Variants in KIRREL3 observed in about 807,000 individuals in gnomAD.
KIRREL3 encodes the protein kirre like nephrin family adhesion molecule 3, also known as kin of IRRE-like protein 3.
A neutral mutation model predicts 89.7 loss-of-function variants in KIRREL3; 36 were observed. The ratio of observed to expected loss-of-function variants is 0.40; its 90% CI spans 0.31 to 0.53. The LOEUF is 0.53. Ranked by LOEUF, KIRREL3 falls within the 20% of genes least tolerant of loss-of-function variation. The pLI is 0.49. For missense variants in KIRREL3, 864 were observed against 1,056.6 expected, an observed-to-expected ratio of 0.82 and a Z score of 2.53; for synonymous variants, 445 against 441.4, an observed-to-expected ratio of 1.01 and a Z score of -0.10.
At chr11:126,630,136 C>A (rs1943957198) in intron 1 of KIRREL3, among the ~76,000 whole-genome samples, 2 of 152,180 alleles carry the variant, frequency 1.3e-5, no homozygotes, top group Admixed American at 6.5e-5. Context: ...CCTACTTCCA[C>A]ATAGACGGAC....
chr11:126,851,791 A>C (rs908457129), intron 1 of KIRREL3, among the ~76,000 whole-genome samples: 1 of 152,126 alleles, frequency 6.6e-6, no homozygotes, highest in Non-Finnish European at 1.5e-5. Context: ...TTTTGATGGG[A>C]CAGCATAAAG....
chr11:126,492,411 C>T lies in KIRREL3; in HGVS notation c.434-18945G>A, dbSNP rs1053977967. Among the ~76,000 whole-genome samples the T allele has an allele frequency of 6.6e-6, 1 of 152,196 alleles. No individual in the cohort carries two copies. The highest frequency in any genetic ancestry group is 6.5e-5 in the Admixed American group (1 of 15,292). The stretch of plus-strand genomic sequence containing the variant: ...TGCAAAGCCCCTCTCAGCCCCTGTC[C>T]ACTCAAGTACTTCCTCATTAGTTTT... On this transcript the variant is annotated intron_variant, in intron 4 of 16. Coordinates refer to ENST00000525144, the MANE Select transcript of KIRREL3 (RefSeq NM_032531.4). This position sits in a 1 kb window ranked among gnomAD's most constrained non-coding sequence, Gnocchi z 4.8.
chr11:126,581,930 T>C (rs1283520992), intron 1 of KIRREL3, among the ~76,000 whole-genome samples: 2 of 152,158 alleles, frequency 1.3e-5, no homozygotes, highest in African/African-American at 4.8e-5. Context: ...AGACCACACC[T>C]GACCTCCTGG....
intron 4 of KIRREL3, among the ~76,000 whole-genome samples, chr11:126,497,029 C>T (rs1957677922): frequency 6.6e-6 from 1 of 152,078 alleles, no homozygotes; most frequent in African/African-American, 2.4e-5. Flanking sequence ...CAGTGCTTAG[C>T]CAGAGCAGCT....
intron 1 of KIRREL3, chr11:126,944,355 G>A (rs1041968391): frequency 1.3e-5 from 2 of 152,214 alleles, no homozygotes; most frequent in African/African-American, 4.8e-5. Flanking sequence ...TGAACCCGGG[G>A]ATAAGTGAGG....
rs1565544833 is a variant in KIRREL3 at position 126,552,552 on chromosome 11, T to TG, written c.133+10282_133+10283insC. 5.0e-5 allele frequency among the ~76,000 whole-genome samples: 3 copies of TG among 60,350 alleles called. No individual in the cohort carries two copies. The East Asian group carries it at 8.4e-4, about 17-fold the overall frequency. The allele number at this position is 60,350 out of a possible 152,430, so 39.6% of individuals were successfully genotyped here. A position where few individuals can be genotyped will look rare whatever the true frequency, so the allele number is the denominator to read the frequency against. On this transcript the variant is annotated intron_variant, in intron 2 of 16. Transcript: ENST00000525144. ...CATCACACAGGGGAGAGAGAAAAGT[T>TG]TTTTTTTTTTTTTTTTTTTTTTTTT...
At chr11:126,663,242 G>A (rs1174336414) in intron 1 of KIRREL3, among the ~76,000 whole-genome samples, 1 of 144,722 alleles carries the variant, frequency 6.9e-6, no homozygotes, top group Non-Finnish European at 1.5e-5. Context: ...CTGGAGTGCA[G>A]TGGCTCGATC....
chr11:126,653,778 T>C lies in KIRREL3; in HGVS notation c.56-90866A>G, dbSNP rs1301050995. On this transcript the variant is annotated intron_variant, in intron 1 of 16. Coordinates refer to ENST00000525144, the MANE Select transcript of KIRREL3 (RefSeq NM_032531.4). The surrounding 1 kb of genome is among the most constrained non-coding windows in gnomAD (Gnocchi z 5.4). ...TCCATAAAAAGTGCACGGTGGAACC[T>C]GAGAAGGTGGAGAAGGGCAGGGATG... is the stretch of plus-strand genomic sequence containing the variant. Among the ~76,000 whole-genome samples the C allele has an allele frequency of 6.6e-6, 1 of 152,230 alleles. No homozygotes were observed. Among genetic ancestry groups the C allele is most frequent in the Non-Finnish European group, 1.5e-5 (1 of 68,046 alleles).
intron 4 of KIRREL3, among the ~76,000 whole-genome samples, chr11:126,509,580 C>A (rs1307080507): frequency 3.3e-5 from 5 of 152,208 alleles, no homozygotes; most frequent in Non-Finnish European, 7.3e-5. Context: ...CCATGATGGA[C>A]CCAGATTTTG....
rs1228365093 is a variant in KIRREL3, at chr11:126,627,119, G to T, written c.56-64207C>A. 1.3e-5 allele frequency among the ~76,000 whole-genome samples: 2 copies of T among 152,140 alleles called. No homozygotes were observed. Among genetic ancestry groups the T allele is most frequent in the Admixed American group, 1.3e-4 (2 of 15,278 alleles). On this transcript the variant is annotated intron_variant, in intron 1 of 16. Transcript: ENST00000525144. The surrounding 1 kb of genome is among the most constrained non-coding windows in gnomAD (Gnocchi z 5.0). ...AAGGAATGAGGCAGAGCTCTATAAAGGCAGTACTAGAGTGGAATCTTTCAT... is the reference window on the plus strand; with the variant it reads ...AAGGAATGAGGCAGAGCTCTATAAATGCAGTACTAGAGTGGAATCTTTCAT...
chr11:126,504,838 A>G (rs1182341478), intron 4 of KIRREL3, among the ~76,000 whole-genome samples: 1 of 152,246 alleles, frequency 6.6e-6, no homozygotes, highest in Non-Finnish European at 1.5e-5. Context: ...CAGGAATTCA[A>G]GGTTGGCTTA....
intron 4 of KIRREL3, among the ~76,000 whole-genome samples, chr11:126,487,577 G>A (rs569310600): frequency 6.6e-6 from 1 of 152,280 alleles, no homozygotes; most frequent in African/African-American, 2.4e-5. Flanking sequence ...ATCCTTTTCC[G>A]ACCTGAGCCT....
At position 126,568,802 on chromosome 11, in the gene KIRREL3, T is replaced by C. The variant is rs988683170; in HGVS notation, c.56-5890A>G. ...ACCTAATAAGGGTGAGTTCAATAAA[T>C]AGAAACAAAATACCAAATTCTACCC... On this transcript the variant is annotated intron_variant, in intron 1 of 16. Coordinates refer to ENST00000525144, the MANE Select transcript of KIRREL3 (RefSeq NM_032531.4). This position sits in a 1 kb window ranked among gnomAD's most constrained non-coding sequence, Gnocchi z 4.6. 6.6e-6 allele frequency among the ~76,000 whole-genome samples: 1 copy of C among 152,114 alleles called. No homozygotes were observed. The highest frequency in any genetic ancestry group is 1.5e-5 in the Non-Finnish European group (1 of 67,998).
At chr11:126,972,204 G>GAGAGAGAGAGAGAGAGAGAGA (rs1555110558) in intron 1 of KIRREL3, among the ~76,000 whole-genome samples, 320 of 146,374 alleles carry the variant, frequency 2.2e-3, no homozygotes, top group Non-Finnish European at 3.4e-3. Context: ...GAGAGAGAGA[G>GAGAGAGAGAGAGAGAGAGAGA]GACTGTGCAT....
chr11:126,942,399 G>T (rs552468394), intron 1 of KIRREL3, among the ~76,000 whole-genome samples: 31 of 152,030 alleles, frequency 2.0e-4, no homozygotes, highest in Non-Finnish European at 3.4e-4. Flanking sequence ...AATTCATACT[G>T]CCCACTGTAT....
Position 126,557,196 on chromosome 11 carries a change from T to C in KIRREL3, c.133+5639A>G, listed in dbSNP as rs142263954. 3.3e-5 allele frequency among the ~76,000 whole-genome samples: 5 copies of C among 152,158 alleles called. No individual in the cohort carries two copies. The East Asian group carries it at 9.7e-4, about 29-fold the overall frequency. ...CCCTCTGCCCTGAGAAAAGCACAGC[T>C]CATCCCACAGGCCTGCCCGACTCTT... On this transcript the variant is annotated intron_variant, in intron 2 of 16. Coordinates refer to ENST00000525144, the MANE Select transcript of KIRREL3 (RefSeq NM_032531.4). The surrounding 1 kb of genome is among the most constrained non-coding windows in gnomAD (Gnocchi z 5.6).
In KIRREL3 at chr11:126,574,340, C is replaced by T. The variant is rs1941139000; in HGVS notation, c.56-11428G>A. Among the ~76,000 whole-genome samples, 1 of 152,120 alleles carries T rather than the reference C, an allele frequency of 6.6e-6. No individual in the cohort carries two copies. ...CAGAGCCCCATATCCAAGCTGGTGG[C>T]CCAGCAACAAAAATCAAAGCTCTTT... On this transcript the variant is annotated intron_variant, in intron 1 of 16. Transcript: ENST00000525144. This position sits in a 1 kb window ranked among gnomAD's most constrained non-coding sequence, Gnocchi z 5.3.
rs1158833987 is a variant in KIRREL3, at chr11:126,676,969, G to A, written c.56-114057C>T. 1.3e-5 allele frequency among the ~76,000 whole-genome samples: 2 copies of A among 151,742 alleles called. No individual in the cohort carries two copies. The highest frequency in any genetic ancestry group is 2.4e-5 in the African/African-American group (1 of 41,274). ...CACGCTAATTTTTAAAAAATTTTTT[G>A]TAGAGACAGGGTCTTGCTGTGTTGC... On this transcript the variant is annotated intron_variant, in intron 1 of 16. Coordinates refer to ENST00000525144, the MANE Select transcript of KIRREL3 (RefSeq NM_032531.4). This position sits in a 1 kb window ranked among gnomAD's most constrained non-coding sequence, Gnocchi z 4.5.
At chr11:126,543,507 T>A (rs1938535273) in intron 2 of KIRREL3, among the ~76,000 whole-genome samples, 1 of 152,118 alleles carries the variant, frequency 6.6e-6, no homozygotes, top group Non-Finnish European at 1.5e-5. Flanking sequence ...GCCATTTGAC[T>A]CCAGGCCTGG....
Sources: allele counts gnomAD v4.1 joint callset (sites outside exome capture counted in the v4.1 genomes callset), GRCh38; gene constraint gnomAD v4.1.1; non-coding constraint Gnocchi (gnomAD v3.1); transcripts MANE v1.5; gene names NCBI Gene and HGNC (gene_info 2026-07-23, HGNC 2026-07-21).